Variants in PCYT1A observed in about 807,000 individuals in gnomAD.
The protein encoded by PCYT1A is phosphate cytidylyltransferase 1A, choline.
Under a neutral mutation model 43.7 loss-of-function variants are expected in PCYT1A, and 25 were observed. The observed-to-expected ratio is 0.57, with a 90% CI of 0.42 to 0.80. The LOEUF (loss-of-function observed/expected upper bound fraction) is 0.80, where lower values mean the gene tolerates loss of function less well. PCYT1A is among the 30% of genes least tolerant of loss of function. The pLI is 0.00. For synonymous variants in PCYT1A, 172 were observed against 170.7 expected, an observed-to-expected ratio of 1.01 and a Z score of -0.06; for missense variants, 421 against 474.2, an observed-to-expected ratio of 0.89 and a Z score of 1.04.
intron 2 of PCYT1A, 72 bp from the exon 3 acceptor site, chr3:196,257,959 AGAT>A: frequency 2.4e-6 from 2 of 829,656 alleles, no homozygotes; most frequent in Non-Finnish European, 3.9e-6. Flanking sequence ...AAAAAAAAAA[AGAT>A]GAGAGAAAGG....
chr3:196,273,076 G>C lies in PCYT1A; in HGVS notation c.-10-2535C>G, dbSNP rs902624671. On this transcript the variant is annotated intron_variant, in intron 1 of 8. Coordinates refer to ENST00000431016, the MANE Select transcript of PCYT1A (RefSeq NM_001312673.2). The surrounding 1 kb of genome is among the most constrained non-coding windows in gnomAD (Gnocchi z 4.1). ...CACAGCCAGGCACGCCAGCTGCCAGGGGGTGAGCAGCTCGAGGCGCCAGCT... is the reference window on the plus strand; with the variant it reads ...CACAGCCAGGCACGCCAGCTGCCAGCGGGTGAGCAGCTCGAGGCGCCAGCT... Among the ~76,000 whole-genome samples, 4 of 152,318 alleles carry C rather than the reference G, an allele frequency of 2.6e-5. No homozygotes were observed. The highest frequency in any genetic ancestry group is 4.1e-4 in the South Asian group (2 of 4,830).
At chr3:196,250,818 G>A (rs951388083) in intron 3 of PCYT1A, 5 of 171,814 alleles carry the variant, frequency 2.9e-5, no homozygotes, top group South Asian at 1.2e-4. Flanking sequence ...ACTATGCTGA[G>A]GTTGAGGACC....
chr3:196,266,899 G>A (rs1047253398), intron 2 of PCYT1A, among the ~76,000 whole-genome samples: 6 of 151,840 alleles, frequency 4.0e-5, no homozygotes, highest in African/African-American at 9.7e-5. Flanking sequence ...TGCCGGGCAC[G>A]GTGGCTCACG....
chr3:196,272,475 C>T (rs1265170021), intron 1 of PCYT1A, among the ~76,000 whole-genome samples: 2 of 152,104 alleles, frequency 1.3e-5, no homozygotes, highest in Non-Finnish European at 2.9e-5. Context: ...TGAGCCATGG[C>T]GCCTAGCCAA....
intron 7 of PCYT1A, chr3:196,241,735 A>G: frequency 2.3e-6 from 3 of 1,319,122 alleles, no homozygotes; most frequent in Non-Finnish European, 3.1e-6. Context: ...AGTTGGCTGT[A>G]TGGCTTTATA....
In PCYT1A at chr3:196,248,261, G is replaced by A. The variant is rs773131861; in HGVS notation, c.280C>T (p.Arg94Ter). The A allele has an allele frequency of 6.8e-6, 11 of 1,613,636 alleles. No homozygotes were observed. Among genetic ancestry groups the A allele is most frequent in the African/African-American group, 1.3e-5 (1 of 75,028 alleles). Residue 94 changes from arginine (R) to a stop codon, truncating the protein, a stop_gained, in exon 4 of 9, where the codon CGA (arginine) becomes TGA (stop). Transcript: ENST00000431016. LOFTEE classifies it high-confidence loss of function. ...IFDLFHSGHA[R>*]ALMQAKNLFP... The stretch of plus-strand genomic sequence containing the variant: ...AGGTTCTTCGCTTGCATCAGAGCTC[G>A]GGCGTGACCAGAGTGAAATAAGTCA...
At chr3:196,255,898 C>A (rs891399221) in intron 3 of PCYT1A, among the ~76,000 whole-genome samples, 3 of 152,188 alleles carry the variant, frequency 2.0e-5, no homozygotes, top group African/African-American at 7.2e-5. Context: ...ACTATCACAT[C>A]TGAATGTGAA....
At chr3:196,279,278 A>C (rs555494671) in intron 1 of PCYT1A, among the ~76,000 whole-genome samples, 1 of 150,430 alleles carries the variant, frequency 6.6e-6, no homozygotes, top group African/African-American at 2.4e-5. Context: ...ACAAGAGTGA[A>C]ACTCTATCAA....
intron 1 of PCYT1A, among the ~76,000 whole-genome samples, chr3:196,274,085 C>T (rs1287003279): frequency 1.3e-5 from 2 of 152,248 alleles, no homozygotes; most frequent in Non-Finnish European, 2.9e-5. Flanking sequence ...CCCTAGCACA[C>T]GCAAACCCAG....
chr3:196,282,195 C>T lies in PCYT1A; in HGVS notation c.-11+5420G>A, dbSNP rs1292894554. Among the ~76,000 whole-genome samples the T allele has an allele frequency of 2.0e-5, 3 of 152,158 alleles. No individual in the cohort carries two copies. ...GAGCGGCACTTACTCTGTGCCAGAC[C>T]CTGGGTTAGCCACTGGCACACATAA... On this transcript the variant is annotated intron_variant, in intron 1 of 8. Transcript: ENST00000431016. This position sits in a 1 kb window ranked among gnomAD's most constrained non-coding sequence, Gnocchi z 4.3.
At chr3:196,239,769 G>A in intron 7 of PCYT1A, 34 bp from the exon 8 acceptor site, 1 of 1,419,796 alleles carries the variant, frequency 7.0e-7, no homozygotes, top group Non-Finnish European at 9.9e-7. Context: ...GAGAAATAAT[G>A]CTCATCCTAA....
intron 7 of PCYT1A, among the ~76,000 whole-genome samples, chr3:196,241,131 TAAAAA>T (rs1209954920): frequency 6.8e-4 from 34 of 49,700 alleles, no homozygotes; most frequent in South Asian, 1.1e-3. Flanking sequence ...CCATCTCTGC[TAAAAA>T]AAAAAAAAAA....
chr3:196,270,601 A>C lies in PCYT1A; in HGVS notation c.-10-60T>G, dbSNP rs564529700. The C allele has an allele frequency of 7.7e-6, 8 of 1,037,352 alleles. No individual in the cohort carries two copies. In the African/African-American group the frequency reaches 1.2e-4, roughly 16 times the overall value. 64.3% of individuals were successfully genotyped at this position (1,037,352 alleles called of 1,614,324 possible). ...TTGGGGTGGGAAAAAGTTTGTCACC[A>C]GTATTTCAGAGACGTTGACGTGGAT... On this transcript the variant is annotated intron_variant, in intron 1 of 8. Transcript: ENST00000431016.
chr3:196,274,155 C>T (rs1401407986), intron 1 of PCYT1A, among the ~76,000 whole-genome samples: 2 of 152,222 alleles, frequency 1.3e-5, no homozygotes, highest in East Asian at 3.8e-4. Flanking sequence ...GAGCAGGCAC[C>T]AGGAGCAAGG....
chr3:196,249,234 C>T (rs576856476), intron 3 of PCYT1A, among the ~76,000 whole-genome samples: 3 of 151,988 alleles, frequency 2.0e-5, no homozygotes, highest in African/African-American at 7.2e-5. Context: ...GCAGCCTTGA[C>T]CTCCTGGGCT....
At chr3:196,285,830 A>C (rs1026471901) in intron 1 of PCYT1A, among the ~76,000 whole-genome samples, 1 of 152,096 alleles carries the variant, frequency 6.6e-6, no homozygotes, top group Non-Finnish European at 1.5e-5. Flanking sequence ...TTTACTAGCA[A>C]TTCTCTGTAC....
At chr3:196,269,524 A>C (rs1157565399) in intron 2 of PCYT1A, among the ~76,000 whole-genome samples, 2 of 152,096 alleles carry the variant, frequency 1.3e-5, no homozygotes, top group African/African-American at 4.8e-5. Context: ...TATTATGGAA[A>C]GTTTTAGGAA....
At chr3:196,240,470 A>G (rs1724315511) in intron 7 of PCYT1A, among the ~76,000 whole-genome samples, 1 of 152,162 alleles carries the variant, frequency 6.6e-6, no homozygotes, top group Non-Finnish European at 1.5e-5. Flanking sequence ...GGACTGCTTG[A>G]GGCCAGGAAC....
intron 2 of PCYT1A, among the ~76,000 whole-genome samples, chr3:196,260,262 T>G (rs1413472782): frequency 6.6e-6 from 1 of 152,090 alleles, no homozygotes; most frequent in Admixed American, 6.6e-5. Flanking sequence ...TATTCTTCTT[T>G]GAAATACTTT....
Sources: allele counts gnomAD v4.1 joint callset (sites outside exome capture counted in the v4.1 genomes callset), GRCh38; gene constraint gnomAD v4.1.1; non-coding constraint Gnocchi (gnomAD v3.1); transcripts MANE v1.5; gene names NCBI Gene and HGNC (gene_info 2026-07-23, HGNC 2026-07-21).